The following MYO16 variants were observed in gnomAD, a reference collection of about 807,000 sequenced individuals.
MYO16 encodes the protein unconventional myosin-XVI.
MYO16 carries 94 observed loss-of-function variants against 205.3 expected under a neutral mutation model. The observed-to-expected ratio is 0.46, with a 90% confidence interval of 0.39 to 0.54. The LOEUF is 0.54. MYO16 is among the 20% of genes least tolerant of loss of function. The pLI is 0.00. For synonymous variants in MYO16, 988 were observed against 954.0 expected, an observed-to-expected ratio of 1.04 and a Z score of -0.66; for missense variants, 2,315 against 2,387.5, an observed-to-expected ratio of 0.97 and a Z score of 0.63.
intron 4 of MYO16, among the ~76,000 whole-genome samples, chr13:108,729,404 T>C (rs933066580): frequency 1.3e-5 from 2 of 152,198 alleles, no homozygotes; most frequent in Admixed American, 1.3e-4. Flanking sequence ...ATAGTAGTTG[T>C]TTGATACATT....
At chr13:108,786,857 G>A (rs1002160391) in intron 5 of MYO16, among the ~76,000 whole-genome samples, 6 of 152,198 alleles carry the variant, frequency 3.9e-5, no homozygotes, top group South Asian at 2.1e-4. Flanking sequence ...CAGCTCAGTC[G>A]TGCCTGGGCA....
At chr13:108,565,699 A>G in the MYO16 span, among the ~76,000 whole-genome samples, 1 of 152,162 alleles carries the variant, frequency 6.6e-6, no homozygotes, top group South Asian at 2.1e-4. Context: ...TGCTCTAGCT[A>G]GACCTTCCAG....
intron 1 of MYO16, among the ~76,000 whole-genome samples, chr13:108,655,377 T>C (rs1376229588): frequency 2.0e-5 from 3 of 151,986 alleles, no homozygotes; most frequent in African/African-American, 2.4e-5. Flanking sequence ...AGCCTGCAGG[T>C]ACACAGAAGT....
chr13:109,127,165 G>A lies in MYO16; in HGVS notation c.3783-117G>A. On this transcript the variant is annotated intron_variant, in intron 30 of 34. Transcript: ENST00000457511. The surrounding 1 kb of genome is among the most constrained non-coding windows in gnomAD (Gnocchi z 4.2). ...TGCACACGTCCTCCAGCCACAGCAGGAAGGGCTGCTTGCCAAAAAGCCGTC... is the reference window on the plus strand; with the variant it reads ...TGCACACGTCCTCCAGCCACAGCAGAAAGGGCTGCTTGCCAAAAAGCCGTC... 3 of 1,323,896 alleles carry A rather than the reference G, an allele frequency of 2.3e-6. No individual in the cohort carries two copies. The highest frequency in any genetic ancestry group is 1.5e-5 in the African/African-American group (1 of 67,810). 82.0% of individuals were successfully genotyped at this position (1,323,896 alleles called of 1,614,324 possible).
At chr13:108,635,033 C>T (rs1401967456) in intron 1 of MYO16, among the ~76,000 whole-genome samples, 4 of 149,968 alleles carry the variant, frequency 2.7e-5, no homozygotes, top group African/African-American at 1.0e-4. Context: ...ATTAAACCAT[C>T]TATTTATTAA....
intron 20 of MYO16, among the ~76,000 whole-genome samples, chr13:108,974,860 TTC>T (rs1884193620): frequency 6.6e-6 from 1 of 152,190 alleles, no homozygotes; most frequent in Non-Finnish European, 1.5e-5. Context: ...TTATAAAATA[TTC>T]TCTGAGCCTG....
At chr13:109,189,471 T>C (rs1428799982) in intron 34 of MYO16, among the ~76,000 whole-genome samples, 5 of 152,254 alleles carry the variant, frequency 3.3e-5, no homozygotes, top group Non-Finnish European at 1.5e-5. Context: ...TATTTGGATA[T>C]TTTTAAAATT....
chr13:109,110,827 C>T (rs1889262451), intron 28 of MYO16, among the ~76,000 whole-genome samples: 1 of 152,148 alleles, frequency 6.6e-6, no homozygotes, highest in South Asian at 2.1e-4. Context: ...GGAGAGGATG[C>T]CTTTAGTTCA....
the MYO16 span, among the ~76,000 whole-genome samples, chr13:108,501,145 T>C: frequency 2.0e-5 from 3 of 152,138 alleles, no homozygotes. Context: ...TAACCCTTAG[T>C]GTATCGCGCT....
the MYO16 span, among the ~76,000 whole-genome samples, chr13:108,510,808 A>AT: frequency 1.7e-4 from 1 of 5,964 alleles, no homozygotes; most frequent in Admixed American, 1.4e-3. Flanking sequence ...TGAACTCATC[A>AT]TTTTTTATGG....
At chr13:109,066,254 G>A (rs1393247898) in intron 27 of MYO16, among the ~76,000 whole-genome samples, 4 of 152,206 alleles carry the variant, frequency 2.6e-5, no homozygotes, top group Admixed American at 2.6e-4. Flanking sequence ...CTTGTTACAT[G>A]TTGGAGATGC....
chr13:108,548,796 G>T, the MYO16 span, among the ~76,000 whole-genome samples: 1 of 152,086 alleles, frequency 6.6e-6, no homozygotes, highest in Non-Finnish European at 1.5e-5. Flanking sequence ...AGCAAATAGG[G>T]TTTGCTAAGA....
chr13:108,956,974 A>G (rs1423903158), intron 16 of MYO16, among the ~76,000 whole-genome samples: 2 of 152,228 alleles, frequency 1.3e-5, no homozygotes, highest in Admixed American at 6.5e-5. Context: ...ATAATCAACC[A>G]TCTCATTATT....
chr13:108,879,111 C>T lies in MYO16; in HGVS notation c.1426-3948C>T, dbSNP rs1054088950. The stretch of plus-strand genomic sequence containing the variant: ...AACATTATCAACACTCCAGAAGTCC[C>T]TTAAACATTAGCACTTCCCCTGCTA... On this transcript the variant is annotated intron_variant, in intron 12 of 34. Coordinates refer to ENST00000457511, the MANE Select transcript of MYO16 (RefSeq NM_001198950.3). Among the ~76,000 whole-genome samples, 7 of 152,292 alleles carry T rather than the reference C, an allele frequency of 4.6e-5. No individual in the cohort carries two copies. In the East Asian group the frequency reaches 9.7e-4, roughly 21 times the overall value.
chr13:109,052,266 TG>T (rs1439296822), intron 24 of MYO16, 33 bp from the exon 25 acceptor site: 1 of 1,563,758 alleles, frequency 6.4e-7, no homozygotes, highest in Non-Finnish European at 8.8e-7. Context: ...ATAATTTTAG[TG>T]CCACTTACGA....
the MYO16 span, among the ~76,000 whole-genome samples, chr13:108,574,494 G>A: frequency 1.3e-5 from 2 of 152,142 alleles, no homozygotes; most frequent in African/African-American, 4.8e-5. Context: ...AACATGCTCA[G>A]TGAAGGCAGC....
Position 109,055,470 on chromosome 13 carries a change from G to A in MYO16, c.3210G>A (p.Lys1070=), listed in dbSNP as rs768589696. Residue 1070 remains lysine (K), a synonymous_variant, in exon 27 of 35, where the codon AAG becomes AAA. Transcript: ENST00000457511. This position sits in a 1 kb window ranked among gnomAD's most constrained non-coding sequence, Gnocchi z 5.0. ...ATTGCATCAGGCCCAATAACTCAAA[G>A]CTGCCAGATACTTTTGATAATTTTT... The part of the protein sequence containing the change: ...FIHCIRPNNS[K]LPDTFDNFYV... 1.2e-6 allele frequency: 2 copies of A among 1,613,222 alleles called. No individual in the cohort carries two copies. The highest frequency in any genetic ancestry group is 1.7e-6 in the Non-Finnish European group (2 of 1,179,480).
intron 9 of MYO16, among the ~76,000 whole-genome samples, chr13:108,831,817 G>C (rs590006): frequency 0.62 from 93,766 of 152,108 alleles, 29,766 homozygotes; most frequent in Middle Eastern, 0.72. Context: ...CCAGCTGAAA[G>C]TTACTTTCTA....
At chr13:109,109,064 C>A (rs925448290) in intron 28 of MYO16, among the ~76,000 whole-genome samples, 1 of 152,128 alleles carries the variant, frequency 6.6e-6, no homozygotes, top group African/African-American at 2.4e-5. Flanking sequence ...GCTATTACAA[C>A]AGTTTCTGAC....
Sources: gnomAD v4.1 joint callset for allele counts (sites outside exome capture counted in the v4.1 genomes callset) on GRCh38, gnomAD v4.1.1 for gene constraint, Gnocchi (gnomAD v3.1) non-coding constraint, MANE v1.5 for transcripts, NCBI Gene and HGNC (gene_info 2026-07-23, HGNC 2026-07-21) for gene names.